The following KCNH1 variants were observed in gnomAD, a reference collection of about 807,000 sequenced individuals.
The protein encoded by KCNH1 is voltage-gated delayed rectifier potassium channel KCNH1.
A neutral mutation model predicts 69.2 loss-of-function variants in KCNH1; 27 were observed. The ratio of observed to expected loss-of-function variants is 0.39; its 90% confidence interval spans 0.29 to 0.54. KCNH1 has a LOEUF of 0.54. Ranked by LOEUF, KCNH1 falls within the 20% of genes least tolerant of loss-of-function variation. The pLI is 0.68. For missense variants in KCNH1, 798 were observed against 1,261.6 expected (o/e 0.63, Z 5.57); for synonymous variants, 456 against 487.7 (o/e 0.93, Z 0.86).
chr1:210,961,906 T>C (rs897819889), intron 6 of KCNH1, among the ~76,000 whole-genome samples: 7 of 152,166 alleles, frequency 4.6e-5, no homozygotes, highest in African/African-American at 1.7e-4. Flanking sequence ...GATAATTTTA[T>C]CATCTGTAGT....
intron 6 of KCNH1, among the ~76,000 whole-genome samples, chr1:210,943,570 T>A (rs1366367889): frequency 6.6e-6 from 1 of 152,032 alleles, no homozygotes. Context: ...GCCAGGATGG[T>A]CTGGATCTCC....
chr1:210,909,127 C>T, intron 7 of KCNH1, among the ~76,000 whole-genome samples: 1 of 152,240 alleles, frequency 6.6e-6, no homozygotes, highest in East Asian at 1.9e-4. Flanking sequence ...ATTTGTTAGT[C>T]TGCAAAATCA....
At chr1:210,930,923 T>C (rs1281769124) in intron 6 of KCNH1, among the ~76,000 whole-genome samples, 4 of 152,154 alleles carry the variant, frequency 2.6e-5, no homozygotes, top group Non-Finnish European at 4.4e-5. Context: ...AACAAGCATA[T>C]GGAAAAATGC....
intron 7 of KCNH1, among the ~76,000 whole-genome samples, chr1:210,827,793 T>C (rs966688554): frequency 6.6e-6 from 1 of 152,186 alleles, no homozygotes; most frequent in Non-Finnish European, 1.5e-5. Context: ...CCTTGGCTTC[T>C]TATTTTAGGC....
At chr1:210,876,790 C>G (rs1686385153) in intron 7 of KCNH1, among the ~76,000 whole-genome samples, 1 of 152,120 alleles carries the variant, frequency 6.6e-6, no homozygotes, top group Non-Finnish European at 1.5e-5. Context: ...CAGTGAAGGA[C>G]ATCTAGTTTT....
intron 7 of KCNH1, among the ~76,000 whole-genome samples, chr1:210,872,808 CCCA>C (rs1262638315): frequency 6.6e-6 from 1 of 152,154 alleles, no homozygotes; most frequent in Non-Finnish European, 1.5e-5. Flanking sequence ...CCCACCAGGT[CCCA>C]CCACCAATAG....
intron 10 of KCNH1, among the ~76,000 whole-genome samples, chr1:210,687,799 C>T (rs1681437429): frequency 6.6e-6 from 1 of 152,178 alleles, no homozygotes; most frequent in Non-Finnish European, 1.5e-5. Flanking sequence ...TTGTATGACT[C>T]ATGACAATGA....
chr1:211,057,463 C>T (rs1690332278), intron 5 of KCNH1, among the ~76,000 whole-genome samples: 1 of 151,850 alleles, frequency 6.6e-6, no homozygotes, highest in South Asian at 2.1e-4. Context: ...TGCAAAACCC[C>T]ATCTCTACAA....
chr1:210,911,702 C>A (rs1687236029), intron 7 of KCNH1, among the ~76,000 whole-genome samples: 1 of 151,728 alleles, frequency 6.6e-6, no homozygotes, highest in African/African-American at 2.4e-5. Flanking sequence ...AGACAATGAC[C>A]CTTATCGGTT....
At chr1:210,876,615 C>A (rs900774818) in intron 7 of KCNH1, among the ~76,000 whole-genome samples, 12 of 152,114 alleles carry the variant, frequency 7.9e-5, no homozygotes, top group African/African-American at 1.9e-4. Context: ...CCCTGAGGTT[C>A]TTCTATCTCT....
At chr1:211,005,997 C>A (rs1359465889) in intron 6 of KCNH1, among the ~76,000 whole-genome samples, 1 of 152,060 alleles carries the variant, frequency 6.6e-6, no homozygotes, top group Non-Finnish European at 1.5e-5. Flanking sequence ...TGAAACGATG[C>A]TAAATCTCTT....
intron 10 of KCNH1, among the ~76,000 whole-genome samples, chr1:210,756,771 A>G (rs998671170): frequency 3.3e-5 from 5 of 152,098 alleles, no homozygotes; most frequent in Admixed American, 2.6e-4. Flanking sequence ...GTCCCTAGAC[A>G]CTTCTAGAAA....
At chr1:210,860,659 G>C in intron 7 of KCNH1, 1 of 780,938 alleles carries the variant, frequency 1.3e-6, no homozygotes, top group Non-Finnish European at 2.4e-6. Flanking sequence ...CTGCATTACA[G>C]GTCTGATAAA....
intron 6 of KCNH1, among the ~76,000 whole-genome samples, chr1:211,012,296 G>C (rs1460064131): frequency 2.6e-5 from 4 of 152,028 alleles, no homozygotes; most frequent in African/African-American, 9.7e-5. Flanking sequence ...TGCATCCTGG[G>C]GTCTCACCTC....
intron 10 of KCNH1, among the ~76,000 whole-genome samples, chr1:210,688,998 A>G (rs1454707625): frequency 6.6e-6 from 1 of 152,210 alleles, no homozygotes; most frequent in East Asian, 1.9e-4. Flanking sequence ...CTAGCCTGAC[A>G]TGTTGCTCAG....
intron 6 of KCNH1, among the ~76,000 whole-genome samples, chr1:210,981,416 G>A (rs931983849): frequency 4.7e-5 from 7 of 147,714 alleles, no homozygotes; most frequent in Non-Finnish European, 7.4e-5. Flanking sequence ...TCACACCATG[G>A]CTATATGAAG....
chr1:210,896,024 T>C (rs73071537), intron 7 of KCNH1, among the ~76,000 whole-genome samples: 75 of 152,204 alleles, frequency 4.9e-4, no homozygotes, highest in African/African-American at 1.8e-3. Flanking sequence ...CAGAGTAGGG[T>C]ATGTGAGAAG....
chr1:210,688,206 T>C (rs1188047149), intron 10 of KCNH1, among the ~76,000 whole-genome samples: 1 of 152,198 alleles, frequency 6.6e-6, no homozygotes, highest in East Asian at 1.9e-4. Flanking sequence ...AAGAACCCCG[T>C]CTGGAAAACA....
intron 10 of KCNH1, among the ~76,000 whole-genome samples, chr1:210,687,261 T>C (rs993408881): frequency 3.2e-4 from 49 of 152,178 alleles, no homozygotes; most frequent in African/African-American, 1.1e-3. Context: ...GAGTTCCTCT[T>C]TGAGGGTGTG....
Sources: allele counts gnomAD v4.1 joint callset (sites outside exome capture counted in the v4.1 genomes callset), GRCh38; gene constraint gnomAD v4.1.1; transcripts MANE v1.5; gene names NCBI Gene and HGNC (gene_info 2026-07-23, HGNC 2026-07-21).